Variants in EZH1 observed in about 807,000 individuals in gnomAD.
EZH1 encodes enhancer of zeste 1 polycomb repressive complex 2 subunit.
Under a neutral mutation model 100.5 loss-of-function variants are expected in EZH1, and 33 were observed. That is an observed-to-expected ratio of 0.33 (90% confidence interval 0.25 to 0.44). EZH1 has a LOEUF of 0.44. Ranked by LOEUF, EZH1 falls within the 20% of genes least tolerant of loss-of-function variation. The pLI is 1.00. For missense variants in EZH1, 475 were observed against 928.4 expected, an observed-to-expected ratio of 0.51 and a Z score of 6.35; for synonymous variants, 272 against 313.8, an observed-to-expected ratio of 0.87 and a Z score of 1.41.
At chr17:42,707,841 A>C in intron 15 of EZH1, 117 bp downstream of exon 15, 1 of 1,274,792 alleles carries the variant, frequency 7.8e-7, no homozygotes. Flanking sequence ...TCCCTAAAAC[A>C]CAGCAAAGGG....
At chr17:42,742,116 G>A (rs543329795) in intron 1 of EZH1, among the ~76,000 whole-genome samples, 18 of 151,044 alleles carry the variant, frequency 1.2e-4, no homozygotes, top group African/African-American at 4.4e-4. Context: ...TTTAGTTCCA[G>A]CCTCCTTATT....
chr17:42,722,207 C>T (rs1373521969), intron 6 of EZH1, among the ~76,000 whole-genome samples: 1 of 151,160 alleles, frequency 6.6e-6, no homozygotes, highest in African/African-American at 2.4e-5. Flanking sequence ...GTCCCAGCCC[C>T]CCAGGAGGCT....
In EZH1 at chr17:42,702,524, TG is replaced by T; in HGVS notation, c.*7del. ...CTACCATAAGTGCTGCCGTGGGGCC[TG>T]GGAGGGCTAAAGGACGTCGGTCTCC... is the stretch of plus-strand genomic sequence containing the variant. On this transcript the variant is annotated 3_prime_UTR_variant, in exon 21 of 21. Coordinates refer to ENST00000428826, the MANE Select transcript of EZH1 (RefSeq NM_001991.5). 1 of 1,555,566 alleles carries T rather than the reference TG, an allele frequency of 6.4e-7. No individual in the cohort carries two copies. Among genetic ancestry groups the T allele is most frequent in the Non-Finnish European group, 8.7e-7 (1 of 1,147,404 alleles).
Position 42,719,182 on chromosome 17 carries a change from C to T in EZH1, c.690G>A (p.Gln230=). The part of the protein sequence containing the change: ...IEGNKKSSKK[Q]FPNDMIFSAI... ...CACTGAAGATCATGTCATTTGGGAA[C>T]TGTTTCTTGGAACTCTTTTTGTTGC... The change falls in exon 8 of 21, where the codon CAG becomes CAA. Residue 230 remains glutamine, a synonymous_variant. Transcript: ENST00000428826. The T allele has an allele frequency of 6.2e-7, 1 of 1,613,902 alleles. No homozygotes were observed. The highest frequency in any genetic ancestry group is 8.5e-7 in the Non-Finnish European group (1 of 1,179,868).
At position 42,718,581 on chromosome 17, in the gene EZH1, T is replaced by A. The variant is rs147764001; in HGVS notation, c.804A>T (p.Ala268=). The A allele has an allele frequency of 1.9e-6, 3 of 1,614,144 alleles. No individual in the cohort carries two copies. The highest frequency in any genetic ancestry group is 2.5e-6 in the Non-Finnish European group (3 of 1,180,016). ...RELTEMSDPN[A]LPPQCTPNID... ...TGTTGGGTGTGCACTGAGGGGGAAG[T>A]GCATTGGGGTCTGACATCTCTGTTA... The change falls in exon 9 of 21, where the codon GCA becomes GCT. Residue 268 remains alanine, a synonymous_variant. Coordinates refer to ENST00000428826, the MANE Select transcript of EZH1 (RefSeq NM_001991.5). This position sits in a 1 kb window ranked among gnomAD's most constrained non-coding sequence, Gnocchi z 4.2.
chr17:42,744,873 C>T, intron 1 of EZH1, 138 bp downstream of exon 1: 10 of 938,660 alleles, frequency 1.1e-5, no homozygotes, highest in Non-Finnish European at 1.3e-5. Context: ...CGCCTGCTAC[C>T]CCCGGCCAGG....
In EZH1 at chr17:42,700,302, A is replaced by G. The variant is rs1361351321; in HGVS notation, c.*2230T>C. ...GATTCTAACACTTTATTAAGAGGTC[A>G]CAAGCCACAGGACTTTAAAGTGCAT... On this transcript the variant is annotated 3_prime_UTR_variant, in exon 21 of 21. Transcript: ENST00000428826. 6.5e-6 allele frequency: 1 copy of G among 152,834 alleles called. No homozygotes were observed. Among genetic ancestry groups the G allele is most frequent in the African/African-American group, 2.4e-5 (1 of 41,454 alleles). 9.5% of individuals were successfully genotyped at this position (152,834 alleles called of 1,614,324 possible).
intron 1 of EZH1, among the ~76,000 whole-genome samples, chr17:42,737,305 C>T (rs879261937): frequency 2.0e-5 from 3 of 152,166 alleles, no homozygotes; most frequent in Non-Finnish European, 2.9e-5. Flanking sequence ...TAAAATAAAT[C>T]TAAAACTATT....
rs528671685 is a variant in EZH1 at position 42,713,055 on chromosome 17, A to G, written c.1204+154T>C. 3.1e-3 allele frequency among the ~76,000 whole-genome samples: 430 copies of G among 140,908 alleles called. 2 individuals are homozygous for G. Among genetic ancestry groups the G allele is most frequent in the African/African-American group, 8.1e-3 (262 of 32,438 alleles). 92.4% of individuals were successfully genotyped at this position (140,908 alleles called of 152,430 possible). A position where few individuals can be genotyped will look rare whatever the true frequency, so the allele number is the denominator to read the frequency against. ...ACTGTTTCAAAAAAAAAAAAAAAAA[A>G]AAAGAAAATATTCCCCATCTTTACT... On this transcript the variant is annotated intron_variant, in intron 11 of 20. Transcript: ENST00000428826.
chr17:42,718,640 G>A lies in EZH1; in HGVS notation c.768-23C>T, dbSNP rs371030137. 47 of 1,612,790 alleles carry A rather than the reference G, an allele frequency of 2.9e-5. No individual in the cohort carries two copies. The African/African-American group carries it at 6.1e-4, about 21-fold the overall frequency. On this transcript the variant is annotated intron_variant, in intron 8 of 20. Transcript: ENST00000428826. The surrounding 1 kb of genome is among the most constrained non-coding windows in gnomAD (Gnocchi z 4.2). ...TACCTATTTAAGAAAAGAGAGATAA[G>A]AGTTCCTCCGAGGAACTGCCTCCAC...
chr17:42,703,532 G>T, intron 19 of EZH1: 1 of 564,594 alleles, frequency 1.8e-6, no homozygotes, highest in East Asian at 3.0e-5. Flanking sequence ...GTTAAATCAT[G>T]TTTGTGGGAA....
intron 12 of EZH1, among the ~76,000 whole-genome samples, chr17:42,712,034 C>T (rs1358482497): frequency 1.3e-5 from 2 of 151,844 alleles, no homozygotes; most frequent in Non-Finnish European, 2.9e-5. Flanking sequence ...GAGTGTAGGA[C>T]CCAGAAGCAT....
At chr17:42,704,780 G>C in intron 17 of EZH1, 97 bp from the exon 18 acceptor site, 1 of 888,200 alleles carries the variant, frequency 1.1e-6, no homozygotes, top group Non-Finnish European at 1.8e-6. Context: ...TCTCACATGG[G>C]TGCTTACTGA....
At chr17:42,715,099 T>C (rs1277901973) in intron 10 of EZH1, among the ~76,000 whole-genome samples, 1 of 140,122 alleles carries the variant, frequency 7.1e-6, no homozygotes, top group African/African-American at 2.6e-5. Flanking sequence ...TTATAGATTA[T>C]ATGTATTTAT....
At position 42,708,051 on chromosome 17, in the gene EZH1, G is replaced by A. The variant is rs771273602; in HGVS notation, c.1567C>T (p.Pro523Ser). The A allele has an allele frequency of 6.2e-7, 1 of 1,609,798 alleles. No homozygotes were observed. The highest frequency in any genetic ancestry group is 1.4e-5 in the African/African-American group (1 of 73,888). Reference sequence around the variant, plus strand: ...CAGGGGCGGTCTGGGTGGTCGCAGGGTTGGTAGTTGTACACTTGTGTGGAA... The same window carrying A: ...CAGGGGCGGTCTGGGTGGTCGCAGGATTGGTAGTTGTACACTTGTGTGGAA... ...NSSTQVYNYQPCDHPDRPCDS... is the reference protein window; with the variant it reads ...NSSTQVYNYQSCDHPDRPCDS... Residue 523 changes from proline (P) to serine (S), a missense_variant, in exon 15 of 21, where the codon CCC (proline) becomes TCC (serine). Physicochemically the swap from Pro to Ser is moderately conservative, Grantham distance 74. Around this residue, in one of 8 missense-constraint regions of EZH1, gnomAD observed 83 missense variants for 142.1 expected, o/e 0.58. Transcript: ENST00000428826.
chr17:42,719,278 T>A, intron 7 of EZH1, 71 bp from the exon 8 acceptor site: 1 of 1,218,790 alleles, frequency 8.2e-7, no homozygotes. Context: ...TGTGATCTTT[T>A]TTCCTTTTGT....
At chr17:42,711,053 T>C (rs113491044) in intron 12 of EZH1, among the ~76,000 whole-genome samples, 4 of 152,304 alleles carry the variant, frequency 2.6e-5, no homozygotes, top group African/African-American at 9.6e-5. Flanking sequence ...AGCTGCCTCC[T>C]TGTCCCTGTT....
Position 42,710,037 on chromosome 17 carries a change from G to A in EZH1, c.1402-100C>T, listed in dbSNP as rs537872777. 100 of 953,514 alleles carry A rather than the reference G, an allele frequency of 1.0e-4. 1 individual carries two copies. In the South Asian group the frequency reaches 1.3e-3, roughly 13 times the overall value. 59.1% of individuals were successfully genotyped at this position (953,514 alleles called of 1,614,324 possible). ...CTTGGGAGGGTTCTGAGAAACTCAG[G>A]CAGCTGACCAAGCCTCTCATCAGTC... On this transcript the variant is annotated intron_variant, in intron 12 of 20. Coordinates refer to ENST00000428826, the MANE Select transcript of EZH1 (RefSeq NM_001991.5).
intron 5 of EZH1, 21 bp downstream of exon 5, chr17:42,724,284 C>T (rs1324885818): frequency 3.7e-6 from 6 of 1,612,750 alleles, no homozygotes; most frequent in Non-Finnish European, 5.1e-6. Flanking sequence ...AAATAACCAC[C>T]ACAGTGCTTT....
Sources: gnomAD v4.1 joint callset for allele counts (sites outside exome capture counted in the v4.1 genomes callset) on GRCh38, gnomAD v4.1.1 for gene constraint, gnomAD v4.1.1 regional missense constraint, Gnocchi (gnomAD v3.1) non-coding constraint, MANE v1.5 for transcripts, NCBI Gene and HGNC (gene_info 2026-07-23, HGNC 2026-07-21) for gene names.